NRG3: variants seen among roughly 807,000 people sequenced by gnomAD.
NRG3 encodes pro-neuregulin-3, membrane-bound isoform.
NRG3 carries 31 observed loss-of-function variants against 66.9 expected under a neutral mutation model. That is an observed-to-expected ratio of 0.46 (90% CI 0.35 to 0.63). The LOEUF (loss-of-function observed/expected upper bound fraction) is 0.63. Among genes scored for constraint, NRG3 ranks in the 20% least tolerant of loss-of-function variants. The pLI is 0.00. For synonymous variants in NRG3, 393 were observed against 359.4 expected, an observed-to-expected ratio of 1.09 and a Z score of -1.06; for missense variants, 910 against 878.9, an observed-to-expected ratio of 1.04 and a Z score of -0.45.
chr10:82,595,904 T>C (rs925718728), intron 2 of NRG3, among the ~76,000 whole-genome samples: 1 of 152,224 alleles, frequency 6.6e-6, no homozygotes, highest in African/African-American at 2.4e-5. Flanking sequence ...CTAGGGACAG[T>C]TTTTGTTCCT....
intron 2 of NRG3, among the ~76,000 whole-genome samples, chr10:82,383,187 G>A (rs2085738340): frequency 6.6e-6 from 1 of 151,854 alleles, no homozygotes; most frequent in South Asian, 2.1e-4. Context: ...TTTTTTGACA[G>A]CTTCCCAATT....
At chr10:82,121,813 T>G (rs1418363524) in intron 1 of NRG3, among the ~76,000 whole-genome samples, 1 of 152,104 alleles carries the variant, frequency 6.6e-6, no homozygotes, top group Non-Finnish European at 1.5e-5. Context: ...TTTTTAAATT[T>G]TTTTTATAGA....
At chr10:82,762,531 T>G (rs2135084761) in intron 3 of NRG3, among the ~76,000 whole-genome samples, 1 of 152,312 alleles carries the variant, frequency 6.6e-6, no homozygotes, top group South Asian at 2.1e-4. Flanking sequence ...ATTGAATATA[T>G]AAATCAATTT....
intron 7 of NRG3, among the ~76,000 whole-genome samples, chr10:82,976,841 C>T (rs2132623511): frequency 6.6e-6 from 1 of 152,208 alleles, no homozygotes; most frequent in Non-Finnish European, 1.5e-5. Flanking sequence ...GTGCGGCCCC[C>T]TCCTTACAAC....
At chr10:81,876,837 T>G (rs1031892278) in intron 1 of NRG3, among the ~76,000 whole-genome samples, 2 of 151,928 alleles carry the variant, frequency 1.3e-5, no homozygotes, top group Non-Finnish European at 2.9e-5. Flanking sequence ...GGTGTAGACA[T>G]AGATTCTGTG....
At chr10:82,442,513 G>A (rs564156477) in intron 2 of NRG3, among the ~76,000 whole-genome samples, 6 of 152,148 alleles carry the variant, frequency 3.9e-5, no homozygotes, top group African/African-American at 7.2e-5. Context: ...CATGGGCAAA[G>A]TACTAGCTTC....
At chr10:82,345,203 C>T (rs1220007924) in intron 1 of NRG3, among the ~76,000 whole-genome samples, 23 of 138,710 alleles carry the variant, frequency 1.7e-4, no homozygotes, top group South Asian at 1.3e-3. Context: ...TTAGGTCTAA[C>T]GTTTAAGTCT....
chr10:82,920,615 A>G (rs1846333828), intron 4 of NRG3, among the ~76,000 whole-genome samples: 1 of 152,138 alleles, frequency 6.6e-6, no homozygotes, highest in Non-Finnish European at 1.5e-5. Flanking sequence ...TCCAATTTTT[A>G]CTGGAGCCAG....
intron 2 of NRG3, among the ~76,000 whole-genome samples, chr10:82,517,543 T>G (rs1284874682): frequency 1.3e-5 from 2 of 152,044 alleles, no homozygotes; most frequent in Non-Finnish European, 2.9e-5. Flanking sequence ...CTTCAAAATG[T>G]TAGGAAGAAA....
intron 2 of NRG3, among the ~76,000 whole-genome samples, chr10:82,597,147 C>A (rs570257428): frequency 6.6e-6 from 1 of 152,242 alleles, no homozygotes; most frequent in East Asian, 1.9e-4. Flanking sequence ...AAATTTTAAG[C>A]AACCGTAAAG....
intron 2 of NRG3, among the ~76,000 whole-genome samples, chr10:82,417,568 T>C (rs1371565541): frequency 6.6e-6 from 1 of 152,188 alleles, no homozygotes; most frequent in Non-Finnish European, 1.5e-5. Flanking sequence ...AGTTCTTTGG[T>C]GCTTTCATTA....
chr10:82,114,617 A>G (rs1218218231), intron 1 of NRG3, among the ~76,000 whole-genome samples: 3 of 152,114 alleles, frequency 2.0e-5, no homozygotes, highest in Non-Finnish European at 4.4e-5. Context: ...TTCTCAAGCT[A>G]TTGCCATTGT....
intron 1 of NRG3, among the ~76,000 whole-genome samples, chr10:82,200,792 T>C (rs1182013431): frequency 1.3e-5 from 2 of 151,820 alleles, no homozygotes; most frequent in East Asian, 3.9e-4. Context: ...CACTTAGGAG[T>C]TGAGAGTTTC....
intron 2 of NRG3, among the ~76,000 whole-genome samples, chr10:82,399,415 T>C (rs1036839407): frequency 1.3e-5 from 2 of 152,180 alleles, no homozygotes; most frequent in African/African-American, 4.8e-5. Context: ...ATACTAGGAG[T>C]ATCAATAGGC....
chr10:82,184,309 G>C (rs978983504), intron 1 of NRG3, among the ~76,000 whole-genome samples: 1 of 152,100 alleles, frequency 6.6e-6, no homozygotes, highest in Non-Finnish European at 1.5e-5. Flanking sequence ...AGAAAATAAC[G>C]TGGAAGTTGT....
intron 2 of NRG3, among the ~76,000 whole-genome samples, chr10:82,653,439 C>T (rs758992621): frequency 2.6e-5 from 4 of 152,122 alleles, no homozygotes; most frequent in Admixed American, 6.5e-5. Context: ...TGCAAACTCC[C>T]TGGAGAGCCT....
At chr10:82,550,589 A>T (rs1463241777) in intron 2 of NRG3, among the ~76,000 whole-genome samples, 1 of 152,178 alleles carries the variant, frequency 6.6e-6, no homozygotes, top group Non-Finnish European at 1.5e-5. Context: ...TGACTCCAAG[A>T]TTCCTTTGTG....
chr10:82,979,692 T>G (rs1226607827), intron 8 of NRG3, among the ~76,000 whole-genome samples: 2 of 152,208 alleles, frequency 1.3e-5, no homozygotes, highest in African/African-American at 2.4e-5. Context: ...AAGGTGTCCC[T>G]TCCTCTGGTG....
chr10:82,549,410 T>C (rs2044153801), intron 2 of NRG3, among the ~76,000 whole-genome samples: 1 of 152,072 alleles, frequency 6.6e-6, no homozygotes, highest in Admixed American at 6.6e-5. Flanking sequence ...CACGAAATGG[T>C]TTCAAGTAAT....
Sources: allele counts gnomAD v4.1 joint callset (sites outside exome capture counted in the v4.1 genomes callset), GRCh38; gene constraint gnomAD v4.1.1; transcripts MANE v1.5; gene names NCBI Gene and HGNC (gene_info 2026-07-23, HGNC 2026-07-21).